Variants in FYB2 observed in about 807,000 individuals in gnomAD.
FYB2 encodes the protein FYN binding protein 2, also known as FYN-binding protein 2.
FYB2 carries 103 observed loss-of-function variants against 94.1 expected under a neutral mutation model. The ratio of observed to expected loss-of-function variants is 1.09; its 90% CI spans 0.93 to 1.29. The LOEUF is 1.29. FYB2 is among the 50% of genes most tolerant of loss of function. The pLI, the probability that FYB2 is intolerant of heterozygous loss-of-function variation, is 0.00. For synonymous variants in FYB2, 293 were observed against 287.9 expected, an observed-to-expected ratio of 1.02 and a Z score of -0.18; for missense variants, 896 against 841.5, an observed-to-expected ratio of 1.06 and a Z score of -0.80.
chr1:56,785,421 G>T (rs893701300), intron 4 of FYB2, among the ~76,000 whole-genome samples: 1 of 152,162 alleles, frequency 6.6e-6, no homozygotes, highest in Non-Finnish European at 1.5e-5. Context: ...CATTGCCTGA[G>T]CCAGTTAGAT....
rs576338892 is a variant in FYB2 at position 56,754,769 on chromosome 1, G to A, written c.1131-834C>T. On this transcript the variant is annotated intron_variant, in intron 7 of 19. Coordinates refer to ENST00000343433, the MANE Select transcript of FYB2 (RefSeq NM_001004303.5). ...CTTCCCCTCCCATCTTGGATCAAGG[G>A]TAGAAAATATATTCTATTCAGTTTT... is the stretch of plus-strand genomic sequence containing the variant. 1.6e-4 allele frequency among the ~76,000 whole-genome samples: 24 copies of A among 152,164 alleles called. No homozygotes were observed. The South Asian group carries it at 5.0e-3, about 32-fold the overall frequency.
intron 16 of FYB2, among the ~76,000 whole-genome samples, chr1:56,725,268 C>T (rs1644562071): frequency 6.6e-6 from 1 of 152,038 alleles, no homozygotes; most frequent in African/African-American, 2.4e-5. Flanking sequence ...TTGCCATCAT[C>T]TTTGATTGAT....
intron 1 of FYB2, among the ~76,000 whole-genome samples, chr1:56,806,452 G>A: frequency 6.6e-6 from 1 of 152,142 alleles, no homozygotes; most frequent in Non-Finnish European, 1.5e-5. Context: ...GGAGTGGGGA[G>A]TGTGGCTGAA....
At chr1:56,757,475 A>AC (rs11461418) in intron 6 of FYB2, among the ~76,000 whole-genome samples, 64,745 of 151,644 alleles carry the variant, frequency 0.43, 14,184 homozygotes, top group African/African-American at 0.5. Flanking sequence ...CACAGTGCTT[A>AC]CATACTGTGT....
chr1:56,723,061 T>C (rs1192363744), intron 17 of FYB2, among the ~76,000 whole-genome samples: 3 of 152,052 alleles, frequency 2.0e-5, no homozygotes, highest in Non-Finnish European at 4.4e-5. Flanking sequence ...TTTGTTCATT[T>C]TGTCATTCAT....
At chr1:56,776,840 C>G (rs1407881704) in intron 4 of FYB2, among the ~76,000 whole-genome samples, 2 of 152,192 alleles carry the variant, frequency 1.3e-5, no homozygotes, top group African/African-American at 4.8e-5. Flanking sequence ...TAAGAGCTTA[C>G]AACATCGGAA....
At chr1:56,765,541 T>C (rs980329676) in intron 5 of FYB2, among the ~76,000 whole-genome samples, 1 of 152,202 alleles carries the variant, frequency 6.6e-6, no homozygotes, top group African/African-American at 2.4e-5. Context: ...GCCACATTTT[T>C]TTCTATGATG....
chr1:56,762,324 T>C (rs901702908), intron 5 of FYB2, among the ~76,000 whole-genome samples: 1 of 152,176 alleles, frequency 6.6e-6, no homozygotes, highest in Admixed American at 6.5e-5. Context: ...ATTGACATTT[T>C]TACTGTTAAT....
chr1:56,819,972 A>C (rs181500740), upstream of FYB2, among the ~76,000 whole-genome samples: 196 of 152,294 alleles, frequency 1.3e-3, no homozygotes, highest in Middle Eastern at 6.8e-3. Flanking sequence ...TCACACCTGC[A>C]ATCCCAGCAC....
chr1:56,773,700 A>G (rs543124946), intron 4 of FYB2, among the ~76,000 whole-genome samples: 1 of 152,338 alleles, frequency 6.6e-6, no homozygotes, highest in African/African-American at 2.4e-5. Flanking sequence ...TTAAGTAGAA[A>G]GATTGAGACT....
At chr1:56,780,560 C>G (rs573483850) in intron 4 of FYB2, among the ~76,000 whole-genome samples, 1 of 152,304 alleles carries the variant, frequency 6.6e-6, no homozygotes, top group African/African-American at 2.4e-5. Flanking sequence ...TTGCATCACC[C>G]TGGATGACTT....
intron 15 of FYB2, among the ~76,000 whole-genome samples, chr1:56,734,788 C>T (rs1370064186): frequency 6.6e-6 from 1 of 151,856 alleles, no homozygotes; most frequent in Non-Finnish European, 1.5e-5. Context: ...ACATTGTGCA[C>T]TTGTACCCTA....
At chr1:56,733,850 G>A (rs1644768169) in intron 15 of FYB2, among the ~76,000 whole-genome samples, 1 of 152,122 alleles carries the variant, frequency 6.6e-6, no homozygotes, top group African/African-American at 2.4e-5. Context: ...ATTAATTTTA[G>A]AATAAGTGCG....
chr1:56,791,344 C>A (rs1418386811), intron 2 of FYB2, among the ~76,000 whole-genome samples: 2 of 151,758 alleles, frequency 1.3e-5, no homozygotes, highest in Non-Finnish European at 1.5e-5. Context: ...CAACCTCTGC[C>A]TCCCAGGTTC....
chr1:56,726,125 T>C (rs2100502945), intron 16 of FYB2, among the ~76,000 whole-genome samples: 1 of 152,218 alleles, frequency 6.6e-6, no homozygotes, highest in South Asian at 2.1e-4. Context: ...TAACTTTTTT[T>C]TTCTCAAAGT....
chr1:56,758,633 T>A, intron 6 of FYB2, 83 bp downstream of exon 6: 2 of 1,074,790 alleles, frequency 1.9e-6, no homozygotes, highest in Non-Finnish European at 2.6e-6. Flanking sequence ...AGACATTTTT[T>A]CCCTCTAAAA....
chr1:56,723,579 A>G lies in FYB2; in HGVS notation c.1974+9T>C, dbSNP rs201403009. On this transcript the variant is annotated intron_variant, in intron 17 of 19. Transcript: ENST00000343433. Reference sequence around the variant, plus strand: ...TATTGCTAATTTTTACCTTCAGAAGAGAACGTACCTTAAACCTTTCTCTAA... The same window carrying G: ...TATTGCTAATTTTTACCTTCAGAAGGGAACGTACCTTAAACCTTTCTCTAA... The G allele has an allele frequency of 2.0e-6, 3 of 1,468,912 alleles. No individual in the cohort carries two copies. In the East Asian group the frequency reaches 7.0e-5, roughly 34 times the overall value. The allele number at this position is 1,468,912 out of a possible 1,614,324, so 91.0% of individuals were successfully genotyped here.
At chr1:56,771,115 T>C (rs1232796113) in intron 4 of FYB2, among the ~76,000 whole-genome samples, 1 of 152,192 alleles carries the variant, frequency 6.6e-6, no homozygotes, top group Non-Finnish European at 1.5e-5. Flanking sequence ...GCAATTCTAC[T>C]TCTAAGTAAA....
chr1:56,762,736 C>T (rs1645528475), intron 5 of FYB2, among the ~76,000 whole-genome samples: 2 of 152,074 alleles, frequency 1.3e-5, no homozygotes, highest in Admixed American at 6.5e-5. Context: ...ATTTCCTTTG[C>T]TTGCCTTATT....
Sources: allele counts gnomAD v4.1 joint callset (sites outside exome capture counted in the v4.1 genomes callset), GRCh38; gene constraint gnomAD v4.1.1; transcripts MANE v1.5; gene names NCBI Gene and HGNC (gene_info 2026-07-23, HGNC 2026-07-21).